The following PCNX2 variants were observed in gnomAD, a reference collection of about 807,000 sequenced individuals.
PCNX2 encodes pecanex 2.
A neutral mutation model predicts 223.8 loss-of-function variants in PCNX2; 168 were observed. That is an observed-to-expected ratio of 0.75 (90% CI 0.66 to 0.85). The LOEUF is 0.85. Ranked by LOEUF, PCNX2 falls within the 40% of genes least tolerant of loss-of-function variation. The pLI is 0.00. For missense variants in PCNX2, 2,507 were observed against 2,675.5 expected (o/e 0.94, Z 1.39); for synonymous variants, 1,006 against 1,052.6 (o/e 0.96, Z 0.86).
At chr1:233,249,715 C>T (rs1659335665) in intron 8 of PCNX2, among the ~76,000 whole-genome samples, 1 of 152,230 alleles carries the variant, frequency 6.6e-6, no homozygotes, top group South Asian at 2.1e-4. Flanking sequence ...TTGGGAAGGA[C>T]TGCATGGCGG....
chr1:233,025,501 G>A, intron 25 of PCNX2, 102 bp from the exon 26 acceptor site: 2 of 1,429,066 alleles, frequency 1.4e-6, no homozygotes, highest in South Asian at 2.8e-5. Context: ...AGAGGCTGAA[G>A]GGAGTCGAGG....
chr1:233,225,502 G>A (rs2102942995), intron 10 of PCNX2, among the ~76,000 whole-genome samples: 1 of 152,260 alleles, frequency 6.6e-6, no homozygotes, highest in African/African-American at 2.4e-5. Flanking sequence ...AAGGATCTAT[G>A]GATAAGGGAA....
intron 32 of PCNX2, among the ~76,000 whole-genome samples, chr1:232,987,865 C>T (rs2102776475): frequency 6.6e-6 from 1 of 152,336 alleles, no homozygotes; most frequent in African/African-American, 2.4e-5. Flanking sequence ...TTGCAGAGGG[C>T]ACTGGTGCTC....
At chr1:233,035,753 C>G (rs1282705293) in intron 25 of PCNX2, among the ~76,000 whole-genome samples, 1 of 152,152 alleles carries the variant, frequency 6.6e-6, no homozygotes, top group East Asian at 1.9e-4. Context: ...TTGATCAGGG[C>G]TACAAAAAGG....
chr1:233,314,698 A>C, the PCNX2 span, among the ~76,000 whole-genome samples: 2 of 152,148 alleles, frequency 1.3e-5, no homozygotes, highest in Non-Finnish European at 2.9e-5. Flanking sequence ...TATTTTTTCA[A>C]GATGTTTAAT....
chr1:233,251,556 G>C (rs1659453678), intron 7 of PCNX2, among the ~76,000 whole-genome samples: 1 of 152,230 alleles, frequency 6.6e-6, no homozygotes, highest in Non-Finnish European at 1.5e-5. Flanking sequence ...TTTCCACCAA[G>C]AGAAACTGTA....
chr1:233,036,735 TTCTA>T (rs1033761462), intron 25 of PCNX2, among the ~76,000 whole-genome samples: 6 of 152,244 alleles, frequency 3.9e-5, no homozygotes, highest in African/African-American at 1.4e-4. Context: ...AGATTTATTT[TTCTA>T]TCTATTGGAT....
chr1:233,317,656 A>G, the PCNX2 span, among the ~76,000 whole-genome samples: 11 of 151,932 alleles, frequency 7.2e-5, no homozygotes, highest in African/African-American at 2.7e-4. Flanking sequence ...AGGAAAATAT[A>G]CTAAATGAGG....
the PCNX2 span, among the ~76,000 whole-genome samples, chr1:233,307,090 G>A: frequency 6.6e-6 from 1 of 152,176 alleles, no homozygotes; most frequent in African/African-American, 2.4e-5. Context: ...GTGTTAGCTT[G>A]ACCTCAGAAT....
rs546848656 is a variant in PCNX2 at position 233,186,976 on chromosome 1, T to C, written c.3067-7801A>G. ...TCTCATTGCCCTTTTGCAAGTTATC[T>C]GTAATTATTCAATCCAAGATTTTTG... On this transcript the variant is annotated intron_variant, in intron 15 of 33. Coordinates refer to ENST00000258229, the MANE Select transcript of PCNX2 (RefSeq NM_014801.4). Among the ~76,000 whole-genome samples, 7 of 152,342 alleles carry C rather than the reference T, an allele frequency of 4.6e-5. No homozygotes were observed. In the South Asian group the frequency reaches 1.4e-3, roughly 32 times the overall value.
At chr1:233,247,484 C>T (rs1659189978) in intron 8 of PCNX2, among the ~76,000 whole-genome samples, 1 of 152,074 alleles carries the variant, frequency 6.6e-6, no homozygotes, top group Non-Finnish European at 1.5e-5. Flanking sequence ...GGTGTTTTTG[C>T]TATGTTTTGT....
chr1:233,319,645 A>G, the PCNX2 span, among the ~76,000 whole-genome samples: 78 of 152,332 alleles, frequency 5.1e-4, no homozygotes, highest in African/African-American at 1.7e-3. Flanking sequence ...AAAGGGTCTT[A>G]TGCCCTCACT....
At chr1:233,168,376 T>C (rs1678929159) in intron 17 of PCNX2, among the ~76,000 whole-genome samples, 1 of 152,160 alleles carries the variant, frequency 6.6e-6, no homozygotes, top group Non-Finnish European at 1.5e-5. Context: ...TATATGAATA[T>C]TTCTATGCAT....
chr1:233,160,840 T>C (rs1379795538), intron 18 of PCNX2, among the ~76,000 whole-genome samples: 6 of 152,146 alleles, frequency 3.9e-5, no homozygotes, highest in Non-Finnish European at 7.4e-5. Context: ...CATCTGGAGC[T>C]CCCCACTTTG....
At chr1:233,006,042 A>T (rs1670272892) in intron 28 of PCNX2, among the ~76,000 whole-genome samples, 1 of 151,518 alleles carries the variant, frequency 6.6e-6, no homozygotes, top group Non-Finnish European at 1.5e-5. Context: ...CCCTGAAAAA[A>T]CTCGGCACAT....
rs540912884 is a variant in PCNX2, at chr1:232,983,886, G to A, written c.*418C>T. 6.4e-6 allele frequency: 1 copy of A among 156,944 alleles called. No individual in the cohort carries two copies. The highest frequency in any genetic ancestry group is 2.4e-5 in the African/African-American group (1 of 41,748). The allele number at this position is 156,944 out of a possible 1,614,324, so 9.7% of individuals were successfully genotyped here. A position where few individuals can be genotyped will look rare whatever the true frequency, so the allele number is the denominator to read the frequency against. The stretch of plus-strand genomic sequence containing the variant: ...GTATAAAGTGCCGATGATGTAACAT[G>A]CAGTTGTCTTATTTTCATCAGGGCA... On this transcript the variant is annotated 3_prime_UTR_variant, in exon 34 of 34. Transcript: ENST00000258229.
intron 28 of PCNX2, among the ~76,000 whole-genome samples, chr1:233,012,521 A>T (rs1038920570): frequency 2.0e-5 from 3 of 152,150 alleles, no homozygotes; most frequent in Non-Finnish European, 4.4e-5. Flanking sequence ...CAAATAGTCA[A>T]GTGTTTCCCT....
rs186532793 is a variant in PCNX2, at chr1:233,004,262, G to A, written c.4953-2581C>T. On this transcript the variant is annotated intron_variant, in intron 28 of 33. Coordinates refer to ENST00000258229, the MANE Select transcript of PCNX2 (RefSeq NM_014801.4). The stretch of plus-strand genomic sequence containing the variant: ...AAAGAGGGATCTTTCAAGATTATCC[G>A]GGTGTTCAGGTTCCTAGGTTTTTCC... Among the ~76,000 whole-genome samples, 19 of 152,056 alleles carry A rather than the reference G, an allele frequency of 1.2e-4. No individual in the cohort carries two copies. In the East Asian group the frequency reaches 2.3e-3, roughly 19 times the overall value.
At chr1:233,184,245 CA>C (rs2102867305) in intron 15 of PCNX2, among the ~76,000 whole-genome samples, 1 of 151,720 alleles carries the variant, frequency 6.6e-6, no homozygotes, top group East Asian at 2.0e-4. Flanking sequence ...GAGAAAAGGT[CA>C]AGGGAACAAG....
Sources: gnomAD v4.1 joint callset for allele counts (sites outside exome capture counted in the v4.1 genomes callset) on GRCh38, gnomAD v4.1.1 for gene constraint, MANE v1.5 for transcripts, NCBI Gene and HGNC (gene_info 2026-07-23, HGNC 2026-07-21) for gene names.